Variants in EP400 observed in about 807,000 individuals in gnomAD.
EP400 encodes the protein E1A binding protein p400.
A neutral mutation model predicts 354.1 loss-of-function variants in EP400; 105 were observed. The observed-to-expected ratio is 0.30, with a 90% CI of 0.25 to 0.35. The LOEUF (loss-of-function observed/expected upper bound fraction) is 0.35, where lower values mean the gene tolerates loss of function less well. Ranked by LOEUF, EP400 falls within the 10% of genes least tolerant of loss-of-function variation. The pLI, the probability that EP400 is intolerant of heterozygous loss-of-function variation, is 1.00. For missense variants in EP400, 3,280 were observed against 4,121.0 expected (o/e 0.80, Z 5.59); for synonymous variants, 1,646 against 1,716.9 (o/e 0.96, Z 1.02).
chr12:131,997,608 G>A (rs141531708), intron 12 of EP400, among the ~76,000 whole-genome samples: 6 of 152,218 alleles, frequency 3.9e-5, no homozygotes, highest in Middle Eastern at 6.8e-3. Context: ...TTACAACAAA[G>A]TAAGCTGGAG....
chr12:131,979,820 C>T (rs773129776), intron 3 of EP400, 27 bp downstream of exon 3: 27 of 1,560,708 alleles, frequency 1.7e-5, no homozygotes, highest in Middle Eastern at 1.7e-4. Context: ...AGCGTGGCCT[C>T]GGGAATGCCC....
Position 132,018,149 on chromosome 12 carries a change from G to T in EP400, c.4111-61G>T. 6.3e-7 allele frequency: 1 copy of T among 1,593,486 alleles called. No homozygotes were observed. Among genetic ancestry groups the T allele is most frequent in the South Asian group, 1.1e-5 (1 of 86,994 alleles). On this transcript the variant is annotated intron_variant, in intron 20 of 52. Coordinates refer to ENST00000389561, the MANE Select transcript of EP400 (RefSeq NM_015409.5). The surrounding 1 kb of genome is among the most constrained non-coding windows in gnomAD (Gnocchi z 4.0). The stretch of plus-strand genomic sequence containing the variant: ...GGGCCCTGCCATAGAAATCAGTTTT[G>T]ATTCTTAGGTGCTTTTTTTGCCTCT...
chr12:132,011,099 GC>G lies in EP400; in HGVS notation c.3305-398del, dbSNP rs1893749926. On this transcript the variant is annotated intron_variant, in intron 15 of 52. Transcript: ENST00000389561. ...TAGACGCCTGCTGTGTGGGTGCCTG[GC>G]TTGTGGGAAGGACTTGAGCAGGGTC... Among the ~76,000 whole-genome samples, 5 of 152,356 alleles carry G rather than the reference GC, an allele frequency of 3.3e-5. No individual in the cohort carries two copies. The South Asian group carries it at 1.0e-3, about 32-fold the overall frequency.
rs1404877808 is a variant in EP400, at chr12:132,070,322, G to A, written c.9021+681G>A. On this transcript the variant is annotated intron_variant, in intron 51 of 52. Coordinates refer to ENST00000389561, the MANE Select transcript of EP400 (RefSeq NM_015409.5). The surrounding 1 kb of genome is among the most constrained non-coding windows in gnomAD (Gnocchi z 4.1). ...TAGAAACAGGAATTCAATTTGATGTGCTCTATGAATACCCTATTTTCAGCC... is the reference window on the plus strand; with the variant it reads ...TAGAAACAGGAATTCAATTTGATGTACTCTATGAATACCCTATTTTCAGCC... Among the ~76,000 whole-genome samples the A allele has an allele frequency of 6.6e-6, 1 of 152,212 alleles. No homozygotes were observed. Among genetic ancestry groups the A allele is most frequent in the Non-Finnish European group, 1.5e-5 (1 of 68,038 alleles).
intron 2 of EP400, among the ~76,000 whole-genome samples, chr12:131,973,468 C>T (rs1410702242): frequency 2.0e-5 from 3 of 152,148 alleles, no homozygotes; most frequent in African/African-American, 7.2e-5. Flanking sequence ...ATGGCAAAAC[C>T]CCATCTCTAC....
rs956259701 is a variant in EP400, at chr12:132,078,054, C to A, written c.*381C>A. On this transcript the variant is annotated 3_prime_UTR_variant, in exon 53 of 53. Coordinates refer to ENST00000389561, the MANE Select transcript of EP400 (RefSeq NM_015409.5). The stretch of plus-strand genomic sequence containing the variant: ...GAAGCCGTCTGCCGTGTGTGAGGAG[C>A]ATACAATGGACTTTCTAAAGATAAG... 9 of 201,520 alleles carry A rather than the reference C, an allele frequency of 4.5e-5. No individual in the cohort carries two copies. Among genetic ancestry groups the A allele is most frequent in the South Asian group, 3.0e-4 (3 of 10,060 alleles). 12.5% of individuals were successfully genotyped at this position (201,520 alleles called of 1,614,324 possible). A position where few individuals can be genotyped will look rare whatever the true frequency, so the allele number is the denominator to read the frequency against.
At position 132,079,246 on chromosome 12, in the gene EP400, G is replaced by A. The variant is rs974747413; in HGVS notation, c.*1573G>A. 4 of 152,242 alleles carry A rather than the reference G, an allele frequency of 2.6e-5. No individual in the cohort carries two copies. The highest frequency in any genetic ancestry group is 9.6e-5 in the African/African-American group (4 of 41,454). The allele number at this position is 152,242 out of a possible 1,614,324, so 9.4% of individuals were successfully genotyped here. A position where few individuals can be genotyped will look rare whatever the true frequency, so the allele number is the denominator to read the frequency against. On this transcript the variant is annotated 3_prime_UTR_variant, in exon 53 of 53. Transcript: ENST00000389561. ...ACTTGAGCTCTTGATAAGAAATGTG[G>A]AGAAAAGTAAAAACCAAGCTTTGAA...
intron 32 of EP400, among the ~76,000 whole-genome samples, chr12:132,043,003 G>A (rs1894965417): frequency 6.6e-6 from 1 of 152,202 alleles, no homozygotes; most frequent in Admixed American, 6.5e-5. Flanking sequence ...AGCTTCCTTG[G>A]CCCTGGGTGC....
intron 41 of EP400, among the ~76,000 whole-genome samples, chr12:132,051,721 G>C (rs1340382376): frequency 6.6e-6 from 1 of 152,150 alleles, no homozygotes; most frequent in African/African-American, 2.4e-5. Flanking sequence ...ACAGGGAGAC[G>C]GTTAGGCCTC....
In EP400 at chr12:132,069,592, C is replaced by T; in HGVS notation, c.8972C>T (p.Ser2991Phe). ...ACCCAGTTTCTTACCACACCCATCTCCCAGGCCCAGAAACTGGCCGGGGCC... is the reference window on the plus strand; with the variant it reads ...ACCCAGTTTCTTACCACACCCATCTTCCAGGCCCAGAAACTGGCCGGGGCC... ...LKTQFLTTPI[S>F]QAQKLAGAQQ... The change falls in exon 51 of 53, where the codon TCC (serine) becomes TTC (phenylalanine). Residue 2991 changes from serine (S) to phenylalanine (F), a missense_variant. By Grantham distance (155) the Ser-to-Phe change is radical (BLOSUM62 -2). Transcript: ENST00000389561. 1 of 1,614,256 alleles carries T rather than the reference C, an allele frequency of 6.2e-7. No homozygotes were observed. Among genetic ancestry groups the T allele is most frequent in the Non-Finnish European group, 8.5e-7 (1 of 1,180,030 alleles).
chr12:132,055,161 T>A lies in EP400; in HGVS notation c.7837T>A (p.Ser2613Thr), dbSNP rs1282748571. 15 of 1,600,540 alleles carry A rather than the reference T, an allele frequency of 9.4e-6. No homozygotes were observed. The highest frequency in any genetic ancestry group is 1.3e-5 in the Non-Finnish European group (15 of 1,173,158). Residue 2613 changes from serine to threonine, a missense_variant, in exon 45 of 53, where the codon TCC becomes ACC. Ser to Thr is a moderately conservative substitution (Grantham distance 58). Transcript: ENST00000389561. ...AGGGGTCCCAGCTGCCACCTTCCAGTCCATCAACAAGCGCCTGGCGTCGCC... is the reference window on the plus strand; with the variant it reads ...AGGGGTCCCAGCTGCCACCTTCCAGACCATCAACAAGCGCCTGGCGTCGCC... The part of the protein sequence containing the change: ...IAGVPAATFQ[S>T]INKRLASPVA...
chr12:131,973,366 C>T (rs1892363678), intron 2 of EP400, among the ~76,000 whole-genome samples: 3 of 152,244 alleles, frequency 2.0e-5, no homozygotes, highest in South Asian at 4.1e-4. Context: ...GCTTTGCAAG[C>T]CCTGTTAACC....
chr12:132,025,926 G>T lies in EP400; in HGVS notation c.5014+122G>T. ...TCAGAACAGCACAGTCTAGTGTGTG[G>T]CCATCTCTGATTTCTATAGATGTGT... On this transcript the variant is annotated intron_variant, in intron 25 of 52. Transcript: ENST00000389561. This position sits in a 1 kb window ranked among gnomAD's most constrained non-coding sequence, Gnocchi z 4.1. The T allele has an allele frequency of 8.4e-7, 1 of 1,195,512 alleles. No homozygotes were observed. The highest frequency in any genetic ancestry group is 1.1e-6 in the Non-Finnish European group (1 of 904,540). 74.1% of individuals were successfully genotyped at this position (1,195,512 alleles called of 1,614,324 possible).
At chr12:131,973,680 A>T (rs1892374086) in intron 2 of EP400, among the ~76,000 whole-genome samples, 1 of 152,176 alleles carries the variant, frequency 6.6e-6, no homozygotes, top group Non-Finnish European at 1.5e-5. Flanking sequence ...GAGTTTTATT[A>T]TTTGCAGCCA....
chr12:132,020,454 A>C (rs1894088171), intron 22 of EP400, among the ~76,000 whole-genome samples: 1 of 152,164 alleles, frequency 6.6e-6, no homozygotes. Context: ...ATAAGTGTTG[A>C]TCTGATGCTC....
Position 132,013,586 on chromosome 12 carries a change from C to G in EP400, c.3708C>G (p.Pro1236=), listed in dbSNP as rs200274645. ...TCCTGGTCCCAGGGATCTCCAGGCC[C>G]TACCTGAGCTCCCCTCTGAGGGCCC... ...VHFLVPGISR[P]YLSSPLRAPS... Residue 1236 remains proline (P), a synonymous_variant, in exon 18 of 53, where the codon CCC becomes CCG. Transcript: ENST00000389561. The surrounding 1 kb of genome is among the most constrained non-coding windows in gnomAD (Gnocchi z 4.5). 2 of 1,614,042 alleles carry G rather than the reference C, an allele frequency of 1.2e-6. No homozygotes were observed. Among genetic ancestry groups the G allele is most frequent in the East Asian group, 2.2e-5 (1 of 44,882 alleles).
At position 132,027,088 on chromosome 12, in the gene EP400, A is replaced by G. The variant is rs930942776; in HGVS notation, c.5015-349A>G. Among the ~76,000 whole-genome samples the G allele has an allele frequency of 6.6e-6, 1 of 152,138 alleles. No individual in the cohort carries two copies. Among genetic ancestry groups the G allele is most frequent in the African/African-American group, 2.4e-5 (1 of 41,428 alleles). On this transcript the variant is annotated intron_variant, in intron 25 of 52. Transcript: ENST00000389561. The surrounding 1 kb of genome is among the most constrained non-coding windows in gnomAD (Gnocchi z 4.9). ...CGGTCACCTGGGCTAGGAGGTGGCC[A>G]TGTGCTGATGGCGATGGGGTACCCA...
chr12:132,031,138 G>A (rs143856155), intron 29 of EP400: 56 of 445,444 alleles, frequency 1.3e-4, no homozygotes, highest in African/African-American at 8.7e-4. Context: ...CACAGAAATC[G>A]TTATGGAAGA....
chr12:131,967,558 C>T (rs1368128870), intron 2 of EP400, among the ~76,000 whole-genome samples: 2 of 151,404 alleles, frequency 1.3e-5, no homozygotes, highest in African/African-American at 2.4e-5. Context: ...GGCGTAGTGG[C>T]GTGCCGCTGT....
Sources: allele counts gnomAD v4.1 joint callset (sites outside exome capture counted in the v4.1 genomes callset), GRCh38; gene constraint gnomAD v4.1.1; non-coding constraint Gnocchi (gnomAD v3.1); transcripts MANE v1.5; gene names NCBI Gene and HGNC (gene_info 2026-07-23, HGNC 2026-07-21).